Variants in LPA observed in about 807,000 individuals in gnomAD.
LPA encodes lipoprotein(a), also known as apolipoprotein(a).
Under a neutral mutation model 197.9 loss-of-function variants are expected in LPA, and 199 were observed. The ratio of observed to expected loss-of-function variants is 1.01; its 90% CI spans 0.90 to 1.13. LPA has a LOEUF of 1.13. LPA is among the 50% of genes most tolerant of loss of function. LPA has a pLI of 0.00. For synonymous variants in LPA, 715 were observed against 639.5 expected (o/e 1.12, Z -1.78); for missense variants, 1,853 against 1,785.8 (o/e 1.04, Z -0.68).
At chr6:160,611,348 C>A (rs1779510657) in intron 16 of LPA, among the ~76,000 whole-genome samples, 2 of 152,068 alleles carry the variant, frequency 1.3e-5, no homozygotes, top group South Asian at 2.1e-4. Flanking sequence ...CTCCTCATTT[C>A]CCTTCTGCTC....
At chr6:160,608,230 G>T (rs1779402588) in intron 16 of LPA, among the ~76,000 whole-genome samples, 1 of 152,002 alleles carries the variant, frequency 6.6e-6, no homozygotes, top group African/African-American at 2.4e-5. Flanking sequence ...AATTCCTTTG[G>T]GTCACCTCTC....
chr6:160,577,416 A>G (rs1339939026), intron 27 of LPA, 121 bp from the exon 28 acceptor site: 3 of 871,276 alleles, frequency 3.4e-6, no homozygotes, highest in Non-Finnish European at 5.5e-6. Flanking sequence ...TTTTTCTACT[A>G]GTAGCAAAAG....
intron 2 of LPA, among the ~76,000 whole-genome samples, chr6:160,647,627 A>T (rs562797608): frequency 1.8e-4 from 27 of 152,136 alleles, no homozygotes; most frequent in Non-Finnish European, 2.5e-4. Context: ...AGAGTTAAAA[A>T]CTTTGTGATT....
chr6:160,591,148 C>A (rs1263920540), intron 22 of LPA, 47 bp from the exon 23 acceptor site: 3 of 1,607,782 alleles, frequency 1.9e-6, no homozygotes, highest in Admixed American at 1.7e-5. Context: ...GGAGAAGATA[C>A]AAGGGCACCA....
intron 24 of LPA, 108 bp from the exon 25 acceptor site, chr6:160,586,738 T>C (rs1778919850): frequency 6.8e-7 from 1 of 1,479,812 alleles, no homozygotes; most frequent in South Asian, 1.1e-5. Flanking sequence ...AAATTTGAAA[T>C]ATTCTCACTA....
At chr6:160,566,862 G>C (rs1562324131) in intron 28 of LPA, among the ~76,000 whole-genome samples, 1 of 152,172 alleles carries the variant, frequency 6.6e-6, no homozygotes, top group Non-Finnish European at 1.5e-5. Context: ...TGATAAAACA[G>C]ACTTTAAACT....
In LPA at chr6:160,606,713, C is replaced by A; in HGVS notation, c.2604-55G>T. 8 of 1,592,178 alleles carry A rather than the reference C, an allele frequency of 5.0e-6. 1 individual carries two copies. In the South Asian group the frequency reaches 8.8e-5, roughly 18 times the overall value. On this transcript the variant is annotated intron_variant, in intron 16 of 38. Transcript: ENST00000316300. ...AGAGGTGGGACAATATGCAGGGGCA[C>A]CCCACACCCTCTCCTTTGTGCTGCA...
At chr6:160,663,217 T>C (rs1780255218) in intron 1 of LPA, among the ~76,000 whole-genome samples, 1 of 152,250 alleles carries the variant, frequency 6.6e-6, no homozygotes, top group Admixed American at 6.5e-5. Flanking sequence ...AATTGGATTC[T>C]GCAAGTGGCA....
intron 28 of LPA, among the ~76,000 whole-genome samples, chr6:160,575,425 T>A (rs1186404253): frequency 6.6e-6 from 1 of 152,234 alleles, no homozygotes; most frequent in Admixed American, 6.5e-5. Context: ...CTAGTAAATT[T>A]TTAAATTTAT....
At chr6:160,602,441 AT>A (rs1384392371) in intron 18 of LPA, among the ~76,000 whole-genome samples, 1 of 152,176 alleles carries the variant, frequency 6.6e-6, no homozygotes, top group Non-Finnish European at 1.5e-5. Context: ...ATATGTTCAA[AT>A]TTTTACCTCT....
chr6:160,589,696 G>A lies in LPA; in HGVS notation c.3804C>T (p.Ser1268=), dbSNP rs758408377. The A allele has an allele frequency of 3.7e-6, 6 of 1,613,842 alleles. No individual in the cohort carries two copies. In the East Asian group the frequency reaches 8.9e-5, roughly 24 times the overall value. The part of the protein sequence containing the change: ...AVSEQAPTEQ[S]PTVQDCYHGD... The stretch of plus-strand genomic sequence containing the variant: ...CATGGTAGCAGTCCTGGACTGTGGG[G>A]CTTTGCTCCGTTGGTGCTGAAATTC... Residue 1268 remains serine (S), a synonymous_variant, in exon 24 of 39, where the codon AGC becomes AGT. Transcript: ENST00000316300.
At chr6:160,654,043 AATATATAATATATTATAT>A (rs1780076283) in intron 1 of LPA, among the ~76,000 whole-genome samples, 2 of 7,170 alleles carry the variant, frequency 2.8e-4, no homozygotes, top group Non-Finnish European at 4.5e-4. Context: ...TATTATATAT[AATATATAATATATTATAT>A]ATATTATATA....
intron 28 of LPA, among the ~76,000 whole-genome samples, chr6:160,567,626 G>A (rs1360155245): frequency 6.6e-6 from 1 of 151,920 alleles, no homozygotes; most frequent in Non-Finnish European, 1.5e-5. Flanking sequence ...CTAGCAGAAG[G>A]CAAGAAATAA....
At chr6:160,539,390 C>T (rs1185805959) in intron 36 of LPA, among the ~76,000 whole-genome samples, 3 of 150,544 alleles carry the variant, frequency 2.0e-5, no homozygotes, top group Non-Finnish European at 4.4e-5. Context: ...AAGAGAAAAT[C>T]AAAGAAGACA....
chr6:160,557,318 C>T (rs1179162696), intron 29 of LPA, 72 bp downstream of exon 29: 13 of 1,542,684 alleles, frequency 8.4e-6, no homozygotes, highest in Middle Eastern at 1.7e-4. Context: ...AAGGCTTCTG[C>T]ATCAGTCAGA....
chr6:160,535,698 TG>T (rs1398932043), intron 37 of LPA, among the ~76,000 whole-genome samples: 2 of 152,204 alleles, frequency 1.3e-5, no homozygotes, highest in East Asian at 3.9e-4. Flanking sequence ...ATGATGTTGA[TG>T]GGGATGATGG....
chr6:160,557,928 T>G (rs1450816184), intron 28 of LPA, among the ~76,000 whole-genome samples: 1 of 152,026 alleles, frequency 6.6e-6, no homozygotes, highest in African/African-American at 2.4e-5. Flanking sequence ...TTAGATTTTT[T>G]TTTTTTTTTG....
Position 160,557,536 on chromosome 6 carries a change from G to A in LPA, c.4667C>T (p.Ser1556Phe), listed in dbSNP as rs768478207. 1 of 1,613,998 alleles carries A rather than the reference G, an allele frequency of 6.2e-7. No homozygotes were observed. Among genetic ancestry groups the A allele is most frequent in the East Asian group, 2.2e-5 (1 of 44,858 alleles). ...LTENYCRNPD[S>F]GKQPWCYTTD... ...TGTGTAACACCAGGGTTGTTTCCCAGAATCTGGATTCCTGCAGTAGTTCTC... is the reference window on the plus strand; with the variant it reads ...TGTGTAACACCAGGGTTGTTTCCCAAAATCTGGATTCCTGCAGTAGTTCTC... The change falls in exon 29 of 39, where the codon TCT (serine) becomes TTT (phenylalanine). Residue 1556 changes from serine (S) to phenylalanine (F), a missense_variant. Ser to Phe is a radical substitution (Grantham distance 155, BLOSUM62 -2). Coordinates refer to ENST00000316300, the MANE Select transcript of LPA (RefSeq NM_005577.4).
intron 30 of LPA, among the ~76,000 whole-genome samples, chr6:160,555,499 GTATGAACATATATA>G (rs1562319987): frequency 1.4e-5 from 2 of 142,472 alleles, no homozygotes; most frequent in African/African-American, 2.6e-5. Context: ...ATACTAGTCT[GTATGAACATATATA>G]TATGAACATA....
Sources: allele counts gnomAD v4.1 joint callset (sites outside exome capture counted in the v4.1 genomes callset), GRCh38; gene constraint gnomAD v4.1.1; transcripts MANE v1.5; gene names NCBI Gene and HGNC (gene_info 2026-07-23, HGNC 2026-07-21).